GPR161: variants seen among roughly 807,000 people sequenced by gnomAD.
GPR161 encodes the protein G-protein coupled receptor RE2.
In GPR161, 25 loss-of-function variants were observed where a neutral mutation model predicts 39.2. That is an observed-to-expected ratio of 0.64 (90% CI 0.47 to 0.89). GPR161 has a LOEUF of 0.89. Among genes scored for constraint, GPR161 ranks in the 40% least tolerant of loss-of-function variants. The probability of loss-of-function intolerance (pLI) is 0.00; values close to 1 mark genes in which losing one functional copy is unlikely to be tolerated. For synonymous variants in GPR161, 286 were observed against 276.6 expected, an observed-to-expected ratio of 1.03 and a Z score of -0.34; for missense variants, 547 against 677.8, an observed-to-expected ratio of 0.81 and a Z score of 2.14.
chr1:168,134,998 G>A, intron 1 of GPR161: 2 of 1,535,082 alleles, frequency 1.3e-6, no homozygotes, highest in South Asian at 1.2e-5. Context: ...TGACCACACA[G>A]TGCTCCTTCA....
At chr1:168,125,716 C>G (rs1698539308) in intron 1 of GPR161, among the ~76,000 whole-genome samples, 1 of 150,834 alleles carries the variant, frequency 6.6e-6, no homozygotes, top group Admixed American at 6.6e-5. Context: ...CTCCCGGGTT[C>G]AAATGATTCT....
intron 1 of GPR161, chr1:168,118,848 C>T (rs1697856180): frequency 6.6e-6 from 1 of 152,072 alleles, no homozygotes; most frequent in South Asian, 2.1e-4. Context: ...AAAAGATGCT[C>T]AACATCACTA....
In GPR161 at chr1:168,080,987, C is replaced by T. The variant is rs2102072037; in HGVS notation, c.*4544G>A. 6.6e-6 allele frequency: 1 copy of T among 152,478 alleles called. No homozygotes were observed. The highest frequency in any genetic ancestry group is 1.9e-4 in the East Asian group (1 of 5,186). 9.4% of individuals were successfully genotyped at this position (152,478 alleles called of 1,614,324 possible). On this transcript the variant is annotated 3_prime_UTR_variant, in exon 6 of 6. Transcript: ENST00000682931. ...TTAAGTGATTCTCCTGCCTCAGGCT[C>T]CTGAGTAGCTGGGATTACAGGCGCC...
At position 168,079,620 on chromosome 1, in the gene GPR161, T is replaced by C. The variant is rs528365155; in HGVS notation, c.*5911A>G. On this transcript the variant is annotated 3_prime_UTR_variant, in exon 6 of 6. Transcript: ENST00000682931. The stretch of plus-strand genomic sequence containing the variant: ...TTGCTTATTTATAAATATTGATTTA[T>C]AATAATCCTAAACTTTTTTTTAACC... The C allele has an allele frequency of 6.6e-6, 1 of 152,334 alleles. No individual in the cohort carries two copies. The highest frequency in any genetic ancestry group is 1.5e-5 in the Non-Finnish European group (1 of 68,034). 9.4% of individuals were successfully genotyped at this position (152,334 alleles called of 1,614,324 possible). A position where few individuals can be genotyped will look rare whatever the true frequency, so the allele number is the denominator to read the frequency against.
intron 1 of GPR161, among the ~76,000 whole-genome samples, chr1:168,118,410 C>CA (rs1179302798): frequency 6.7e-6 from 1 of 149,552 alleles, no homozygotes; most frequent in Non-Finnish European, 1.5e-5. Flanking sequence ...CACAGGGACA[C>CA]AGAGTATAGA....
chr1:168,087,987 G>A (rs1694709733), intron 4 of GPR161: 1 of 304,420 alleles, frequency 3.3e-6, no homozygotes, highest in South Asian at 5.6e-5. Flanking sequence ...CCAGAAGCAT[G>A]GCATCTGCCG....
chr1:168,100,987 GT>G (rs1696041931), intron 2 of GPR161, among the ~76,000 whole-genome samples: 4 of 152,228 alleles, frequency 2.6e-5, no homozygotes, highest in Admixed American at 2.6e-4. Flanking sequence ...CACTTGGCTG[GT>G]TTAGGACATT....
chr1:168,084,093 C>T lies in GPR161; in HGVS notation c.*1438G>A. ...GACCAAACTTCAACTGCTGTTCCAG[C>T]ACAAAGGGAGGAGAAGAGAGGTTTA... On this transcript the variant is annotated 3_prime_UTR_variant, in exon 6 of 6. Coordinates refer to ENST00000682931, the MANE Select transcript of GPR161 (RefSeq NM_001375883.1). 1 of 153,850 alleles carries T rather than the reference C, an allele frequency of 6.5e-6. No individual in the cohort carries two copies. The highest frequency in any genetic ancestry group is 1.4e-5 in the Non-Finnish European group (1 of 69,126). The allele number at this position is 153,850 out of a possible 1,614,324, so 9.5% of individuals were successfully genotyped here. A position where few individuals can be genotyped will look rare whatever the true frequency, so the allele number is the denominator to read the frequency against.
chr1:168,128,975 C>T (rs1698791355), intron 1 of GPR161, among the ~76,000 whole-genome samples: 1 of 152,172 alleles, frequency 6.6e-6, no homozygotes, highest in African/African-American at 2.4e-5. Flanking sequence ...GTGCCCAGCT[C>T]AACTCTACAG....
At chr1:168,128,054 T>G (rs1242549610) in intron 1 of GPR161, among the ~76,000 whole-genome samples, 1 of 152,180 alleles carries the variant, frequency 6.6e-6, no homozygotes, top group Non-Finnish European at 1.5e-5. Flanking sequence ...GGCACCCAGG[T>G]AAGCAGCTGA....
At chr1:168,100,644 T>G (rs1696010473) in intron 2 of GPR161, among the ~76,000 whole-genome samples, 1 of 152,162 alleles carries the variant, frequency 6.6e-6, no homozygotes, top group Admixed American at 6.5e-5. Context: ...TTGTCTTCAG[T>G]GAAAACAGAA....
rs368569067 is a variant in GPR161, at chr1:168,115,998, C to T, written c.-44-11104G>A. On this transcript the variant is annotated intron_variant, in intron 1 of 5. Transcript: ENST00000682931. Reference sequence around the variant, plus strand: ...TTCACTGTGTTAGCCAGGATGGTCTCAATCTCCTGACCTCGTGATCTGCCC... The same window carrying T: ...TTCACTGTGTTAGCCAGGATGGTCTTAATCTCCTGACCTCGTGATCTGCCC... Among the ~76,000 whole-genome samples, 25 of 152,164 alleles carry T rather than the reference C, an allele frequency of 1.6e-4. No individual in the cohort carries two copies. In the East Asian group the frequency reaches 4.6e-3, roughly 28 times the overall value.
chr1:168,101,118 TTTTC>T (rs1035487428), intron 2 of GPR161, among the ~76,000 whole-genome samples: 4 of 152,004 alleles, frequency 2.6e-5, no homozygotes, highest in African/African-American at 9.7e-5. Context: ...CTTTTTTTTT[TTTTC>T]TTTTTTAAAT....
chr1:168,096,552 CGTTGCACAAATG>C lies in GPR161; in HGVS notation c.1043_1054del (p.Pro348_Gln351del). 6.2e-7 allele frequency: 1 copy of C among 1,614,156 alleles called. No homozygotes were observed. The highest frequency in any genetic ancestry group is 8.5e-7 in the Non-Finnish European group (1 of 1,180,010). On this transcript the variant is annotated inframe_deletion, in exon 3 of 6. Transcript: ENST00000682931. ...GCTGAAGAGCCTGGAAGTCCTCTGT[CGTTGCACAAATG>C]GTTCCCGATAATACCGGTCCCCAAA...
chr1:168,137,614 G>A (rs996623318), upstream of GPR161: 2 of 593,842 alleles, frequency 3.4e-6, no homozygotes, highest in Non-Finnish European at 6.0e-6. Context: ...TCGGGGGACG[G>A]AACAGTTCCT....
intron 3 of GPR161, among the ~76,000 whole-genome samples, chr1:168,096,025 T>G (rs957381026): frequency 1.0e-4 from 15 of 150,672 alleles, no homozygotes; most frequent in African/African-American, 3.7e-4. Flanking sequence ...TCCCAGCTAC[T>G]TGGGAGGCTG....
chr1:168,087,962 C>A, intron 4 of GPR161: 1 of 379,960 alleles, frequency 2.6e-6, no homozygotes, highest in Non-Finnish European at 4.8e-6. Flanking sequence ...GGTTATCTGC[C>A]TCAATGACCA....
intron 1 of GPR161, among the ~76,000 whole-genome samples, chr1:168,116,713 C>A (rs1035444260): frequency 6.6e-6 from 1 of 152,238 alleles, no homozygotes; most frequent in Non-Finnish European, 1.5e-5. Flanking sequence ...CCATAGATGG[C>A]AGGCACAAGG....
chr1:168,115,053 C>A (rs1409692347), intron 1 of GPR161, among the ~76,000 whole-genome samples: 1 of 151,984 alleles, frequency 6.6e-6, no homozygotes, highest in East Asian at 1.9e-4. Context: ...AAAATACGAA[C>A]CCAGGGTTGT....
Sources: gnomAD v4.1 joint callset for allele counts (sites outside exome capture counted in the v4.1 genomes callset) on GRCh38, gnomAD v4.1.1 for gene constraint, MANE v1.5 for transcripts, NCBI Gene and HGNC (gene_info 2026-07-23, HGNC 2026-07-21) for gene names.